CSPP1: variants seen among roughly 807,000 people sequenced by gnomAD.
CSPP1 encodes the protein centrosome and spindle pole associated protein 1.
Under a neutral mutation model 164.4 loss-of-function variants are expected in CSPP1, and 126 were observed. That is an observed-to-expected ratio of 0.77 (90% CI 0.66 to 0.89). The LOEUF (loss-of-function observed/expected upper bound fraction) is 0.89. Among genes scored for constraint, CSPP1 ranks in the 40% least tolerant of loss-of-function variants. The probability of loss-of-function intolerance (pLI) is 0.00; values close to 1 mark genes in which losing one functional copy is unlikely to be tolerated. For synonymous variants in CSPP1, 472 were observed against 476.7 expected (o/e 0.99, Z 0.13); for missense variants, 1,395 against 1,449.8 (o/e 0.96, Z 0.61).
intron 22 of CSPP1, among the ~76,000 whole-genome samples, chr8:67,162,665 G>A (rs1344289155): frequency 6.6e-6 from 1 of 152,098 alleles, no homozygotes; most frequent in African/African-American, 2.4e-5. Context: ...AGTTTTGGAG[G>A]TGGGGCAAGA....
intron 20 of CSPP1, 22 bp from the exon 21 acceptor site, chr8:67,158,969 T>C: frequency 6.4e-7 from 1 of 1,563,882 alleles, no homozygotes; most frequent in African/African-American, 1.4e-5. Context: ...ATGGAATGCA[T>C]ATTTCTCTTT....
At chr8:67,160,934 C>T (rs1828224273) in intron 21 of CSPP1, among the ~76,000 whole-genome samples, 1 of 152,096 alleles carries the variant, frequency 6.6e-6, no homozygotes, top group Non-Finnish European at 1.5e-5. Flanking sequence ...TCAAGTGATT[C>T]TCCTGCCCTA....
chr8:67,129,305 A>G (rs1820732871), intron 15 of CSPP1, among the ~76,000 whole-genome samples: 1 of 152,132 alleles, frequency 6.6e-6, no homozygotes, highest in Non-Finnish European at 1.5e-5. Flanking sequence ...GGCCAAAAAT[A>G]AGAGAAAGAA....
At chr8:67,132,179 T>G (rs1156541187) in intron 16 of CSPP1, 99 bp downstream of exon 16, 2 of 1,183,022 alleles carry the variant, frequency 1.7e-6, no homozygotes, top group East Asian at 5.0e-5. Context: ...AAAAAAACAG[T>G]TAATTATAAT....
rs568341713 is a variant in CSPP1 at position 67,113,865 on chromosome 8, A to G, written c.1245+3A>G. 2 of 1,561,074 alleles carry G rather than the reference A, an allele frequency of 1.3e-6. No individual in the cohort carries two copies. Among genetic ancestry groups the G allele is most frequent in the Non-Finnish European group, 8.8e-7 (1 of 1,138,500 alleles). The stretch of plus-strand genomic sequence containing the variant: ...GAGCACAAGACCCTGAGAAATCGGT[A>G]AGGGTTTCTGGCATCTTTTAATGTT... On this transcript the variant is annotated splice_donor_region_variant and intron_variant, in intron 11 of 30. Transcript: ENST00000678616.
At position 67,116,120 on chromosome 8, in the gene CSPP1, C is replaced by A; in HGVS notation, c.1494C>A (p.Pro498=). The change falls in exon 13 of 31, where the codon CCC becomes CCA. Residue 498 remains proline, a splice_region_variant and synonymous_variant. Coordinates refer to ENST00000678616, the MANE Select transcript of CSPP1 (RefSeq NM_001382391.1). ...LSSALGEMVS[P]RIAPLPPPPL... The stretch of plus-strand genomic sequence containing the variant: ...GCGCCCTTGGTGAAATGGTGTCTCC[C>A]AGGTGCTTGTTTAAATGTTTTGTGT... The A allele has an allele frequency of 6.2e-7, 1 of 1,610,044 alleles. No homozygotes were observed. Among genetic ancestry groups the A allele is most frequent in the Non-Finnish European group, 8.5e-7 (1 of 1,176,336 alleles).
At chr8:67,083,557 A>G (rs1167917507) in intron 3 of CSPP1, 3 of 137,402 alleles carry the variant, frequency 2.2e-5, no homozygotes, top group Non-Finnish European at 3.0e-5. Context: ...AAATATATAT[A>G]TATATATATA....
chr8:67,135,702 A>G (rs1822115043), intron 16 of CSPP1: 1 of 152,228 alleles, frequency 6.6e-6, no homozygotes, highest in Admixed American at 6.5e-5. Flanking sequence ...CTTATCATTC[A>G]TATGTTTACT....
chr8:67,068,354 A>G (rs1430351603), intron 1 of CSPP1, among the ~76,000 whole-genome samples: 3 of 152,192 alleles, frequency 2.0e-5, no homozygotes, highest in South Asian at 2.1e-4. Context: ...CAATTAAACT[A>G]TTTTCCTGAA....
intron 30 of CSPP1, 34 bp from the exon 31 acceptor site, chr8:67,195,348 G>C (rs780395454): frequency 1.4e-6 from 2 of 1,461,928 alleles, no homozygotes; most frequent in Admixed American, 1.7e-5. Flanking sequence ...TGCCACCTGT[G>C]TTACCTGAGC....
intron 15 of CSPP1, among the ~76,000 whole-genome samples, chr8:67,126,228 C>G (rs1820033439): frequency 6.6e-6 from 1 of 152,168 alleles, no homozygotes; most frequent in South Asian, 2.1e-4. Flanking sequence ...CATGGGATTC[C>G]TCTGAAATTT....
At chr8:67,067,710 G>T (rs985927036) in intron 1 of CSPP1, among the ~76,000 whole-genome samples, 1 of 151,628 alleles carries the variant, frequency 6.6e-6, no homozygotes, top group East Asian at 2.0e-4. Flanking sequence ...TGATCCGCCC[G>T]CCTCGGCCTC....
chr8:67,164,071 T>C (rs1828867409), intron 23 of CSPP1, among the ~76,000 whole-genome samples: 1 of 152,176 alleles, frequency 6.6e-6, no homozygotes, highest in African/African-American at 2.4e-5. Context: ...TCATGCACAG[T>C]TTGTGCGACT....
intron 6 of CSPP1, among the ~76,000 whole-genome samples, chr8:67,094,394 C>G (rs1002046689): frequency 4.0e-5 from 6 of 150,972 alleles, no homozygotes; most frequent in African/African-American, 1.5e-4. Flanking sequence ...CTGCCTCAGC[C>G]TCTGGAGTAG....
rs1383573716 is a variant in CSPP1 at position 67,185,497 on chromosome 8, C to G, written c.3221-5153C>G. ...TAACACTGGCAACTTTGAAAATGTA[C>G]AGCCAATGGTTTCCCTTGGGGGCTT... On this transcript the variant is annotated intron_variant, in intron 28 of 30. Coordinates refer to ENST00000678616, the MANE Select transcript of CSPP1 (RefSeq NM_001382391.1). Among the ~76,000 whole-genome samples the G allele has an allele frequency of 2.0e-5, 3 of 152,202 alleles. No individual in the cohort carries two copies. In the East Asian group the frequency reaches 5.8e-4, roughly 29 times the overall value.
intron 24 of CSPP1, among the ~76,000 whole-genome samples, chr8:67,168,877 C>G (rs1390419988): frequency 1.3e-5 from 2 of 152,184 alleles, no homozygotes; most frequent in African/African-American, 4.8e-5. Context: ...AGACAGCAGT[C>G]CAATTTAATG....
At chr8:67,161,957 T>C in intron 22 of CSPP1, 42 bp downstream of exon 22, 2 of 1,296,178 alleles carry the variant, frequency 1.5e-6, no homozygotes, top group Non-Finnish European at 2.2e-6. Context: ...AGCTCAGTTA[T>C]TTTGGATTGG....
intron 3 of CSPP1, among the ~76,000 whole-genome samples, chr8:67,081,986 C>T (rs189225672): frequency 7.9e-4 from 121 of 152,310 alleles, no homozygotes; most frequent in Non-Finnish European, 6.6e-4. Context: ...AACGATCCTC[C>T]CTTCTCTGGC....
intron 15 of CSPP1, among the ~76,000 whole-genome samples, chr8:67,125,366 C>T (rs1320237381): frequency 6.6e-6 from 1 of 152,166 alleles, no homozygotes; most frequent in Non-Finnish European, 1.5e-5. Context: ...TGGTTATTCT[C>T]TTGCTTTCAG....
Sources: allele counts gnomAD v4.1 joint callset (sites outside exome capture counted in the v4.1 genomes callset), GRCh38; gene constraint gnomAD v4.1.1; transcripts MANE v1.5; gene names NCBI Gene and HGNC (gene_info 2026-07-23, HGNC 2026-07-21).